The following AHI1 variants were observed in gnomAD, a reference collection of about 807,000 sequenced individuals.
AHI1 encodes the protein Abelson helper integration site 1, also known as jouberin.
A neutral mutation model predicts 149.3 loss-of-function variants in AHI1; 123 were observed. The ratio of observed to expected loss-of-function variants is 0.82; its 90% CI spans 0.71 to 0.96. The LOEUF (loss-of-function observed/expected upper bound fraction) is 0.96. Ranked by LOEUF, AHI1 falls within the 40% of genes least tolerant of loss-of-function variation. AHI1 has a pLI of 0.00. For missense variants in AHI1, 1,439 were observed against 1,422.7 expected (o/e 1.01, Z -0.18); for synonymous variants, 475 against 459.8 (o/e 1.03, Z -0.42).
Position 135,402,752 on chromosome 6 carries a change from CCTTTT to C in AHI1, c.2988+2194_2988+2198del, listed in dbSNP as rs544291051. 8.5e-5 allele frequency among the ~76,000 whole-genome samples: 13 copies of C among 152,208 alleles called. No individual in the cohort carries two copies. In the South Asian group the frequency reaches 2.1e-3, roughly 24 times the overall value. On this transcript the variant is annotated intron_variant, in intron 22 of 28. Coordinates refer to ENST00000265602, the MANE Select transcript of AHI1 (RefSeq NM_001134831.2). The stretch of plus-strand genomic sequence containing the variant: ...ATGAATAGTAAATGTACATCCTCTT[CCTTTT>C]AATTTTCTTAATAACATTTTCTGTT...
chr6:135,340,654 C>CATATATATAT (rs1290327693), intron 24 of AHI1, among the ~76,000 whole-genome samples: 8 of 58,586 alleles, frequency 1.4e-4, no homozygotes, highest in South Asian at 7.8e-4. Context: ...TATATACATA[C>CATATATATAT]ATACATATAT....
At chr6:135,391,613 C>A (rs1239471126) in intron 23 of AHI1, among the ~76,000 whole-genome samples, 1 of 152,144 alleles carries the variant, frequency 6.6e-6, no homozygotes, top group Non-Finnish European at 1.5e-5. Context: ...ACCCAATCTA[C>A]CTCTGCAAAC....
intron 23 of AHI1, among the ~76,000 whole-genome samples, chr6:135,377,462 G>GTTATTTAT (rs57058733): frequency 0.064 from 9,534 of 148,432 alleles, 723 homozygotes; most frequent in African/African-American, 0.19. Context: ...CTGGCTTTGA[G>GTTATTTAT]TTATTTATTT....
At chr6:135,408,581 A>C (rs928947253) in intron 21 of AHI1, among the ~76,000 whole-genome samples, 5 of 152,140 alleles carry the variant, frequency 3.3e-5, no homozygotes, top group Admixed American at 1.3e-4. Context: ...GCATCCTGAT[A>C]CACCTTCAAG....
intron 26 of AHI1, among the ~76,000 whole-genome samples, chr6:135,314,356 AC>A (rs1218613451): frequency 2.6e-5 from 4 of 152,166 alleles, no homozygotes; most frequent in African/African-American, 9.7e-5. Flanking sequence ...CTTTCACCAG[AC>A]CCTGGATCTG....
In AHI1 at chr6:135,382,894, T is replaced by TA. The variant is rs573438726; in HGVS notation, c.3109+11881dup. Among the ~76,000 whole-genome samples, 18 of 15,586 alleles carry TA rather than the reference T, an allele frequency of 1.2e-3. 1 individual carries two copies. Among genetic ancestry groups the TA allele is most frequent in the Non-Finnish European group, 1.5e-3 (14 of 9,574 alleles). 10.2% of individuals were successfully genotyped at this position (15,586 alleles called of 152,430 possible). On this transcript the variant is annotated intron_variant, in intron 23 of 28. Coordinates refer to ENST00000265602, the MANE Select transcript of AHI1 (RefSeq NM_001134831.2). ...CGGTGCCCATCCTAAGCAAAATTAG[T>TA]AAAAAAAAAAAAAAAAAAAAAAAAA...
At chr6:135,482,894 CTTTT>C (rs761997683) in intron 5 of AHI1, among the ~76,000 whole-genome samples, 2 of 55,734 alleles carry the variant, frequency 3.6e-5, no homozygotes, top group African/African-American at 9.3e-5. Flanking sequence ...CCATTTAAGG[CTTTT>C]TTTTTTTTTT....
intron 26 of AHI1, among the ~76,000 whole-genome samples, chr6:135,316,826 C>T (rs1280474025): frequency 6.6e-6 from 1 of 152,098 alleles, no homozygotes; most frequent in Non-Finnish European, 1.5e-5. Context: ...TTTCTGGCTC[C>T]CAGTGAATAT....
At chr6:135,326,017 T>G (rs1195991085) in intron 24 of AHI1, among the ~76,000 whole-genome samples, 2 of 152,212 alleles carry the variant, frequency 1.3e-5, no homozygotes, top group Non-Finnish European at 2.9e-5. Flanking sequence ...CCAAAAAGCC[T>G]ATGAGAGCCC....
intron 22 of AHI1, among the ~76,000 whole-genome samples, chr6:135,398,533 T>C (rs1293694971): frequency 6.6e-6 from 1 of 152,206 alleles, no homozygotes; most frequent in Non-Finnish European, 1.5e-5. Context: ...CTCTGATAGG[T>C]ACCAAGGACT....
intron 11 of AHI1, among the ~76,000 whole-genome samples, chr6:135,451,221 T>C (rs564639855): frequency 4.7e-4 from 71 of 152,248 alleles, no homozygotes; most frequent in Non-Finnish European, 4.7e-4. Flanking sequence ...GGTCTCAAAC[T>C]CCTGACCTCA....
At chr6:135,343,333 A>C (rs557555598) in intron 24 of AHI1, among the ~76,000 whole-genome samples, 35 of 151,970 alleles carry the variant, frequency 2.3e-4, no homozygotes, top group Non-Finnish European at 4.1e-4. Flanking sequence ...ATGTTTTCAC[A>C]ATTTAATCTA....
chr6:135,303,656 G>T (rs904988969), intron 26 of AHI1, among the ~76,000 whole-genome samples: 2 of 152,030 alleles, frequency 1.3e-5, no homozygotes, highest in Non-Finnish European at 2.9e-5. Flanking sequence ...GAGGCCCAGA[G>T]TTACCAAGGT....
At position 135,446,581 on chromosome 6, in the gene AHI1, C is replaced by T. The variant is rs113436574; in HGVS notation, c.1779+427G>A. On this transcript the variant is annotated intron_variant, in intron 13 of 28. Transcript: ENST00000265602. ...ATTCGTGCCCTTATAAGAAAAGACG[C>T]GAGAAAGGTGATCTCTCTCTCCACC... Among the ~76,000 whole-genome samples, 25 of 152,162 alleles carry T rather than the reference C, an allele frequency of 1.6e-4. No homozygotes were observed. In the East Asian group the frequency reaches 3.3e-3, roughly 20 times the overall value.
chr6:135,488,858 G>A (rs1794848588), intron 5 of AHI1, among the ~76,000 whole-genome samples: 1 of 152,048 alleles, frequency 6.6e-6, no homozygotes, highest in Non-Finnish European at 1.5e-5. Context: ...TGTGGTTAAG[G>A]CAGTGGATTC....
chr6:135,295,578 A>G (rs1339547557), intron 27 of AHI1, among the ~76,000 whole-genome samples: 1 of 152,214 alleles, frequency 6.6e-6, no homozygotes, highest in East Asian at 1.9e-4. Flanking sequence ...CATTAACTTT[A>G]TTTGTAGTAG....
chr6:135,461,317 A>G (rs1285597664), intron 8 of AHI1, among the ~76,000 whole-genome samples: 1 of 152,066 alleles, frequency 6.6e-6, no homozygotes, highest in Non-Finnish European at 1.5e-5. Flanking sequence ...AAAACACTCA[A>G]CTTCAATAGT....
chr6:135,388,033 T>C (rs1562642066), intron 23 of AHI1: 1 of 1,613,804 alleles, frequency 6.2e-7, no homozygotes. Context: ...AAAGTGACTG[T>C]CTGGAAAACA....
chr6:135,384,303 C>T (rs954820015), intron 23 of AHI1, among the ~76,000 whole-genome samples: 1 of 152,134 alleles, frequency 6.6e-6, no homozygotes, highest in African/African-American at 2.4e-5. Context: ...TATAAAGATA[C>T]AATCTATTAT....
Sources: allele counts gnomAD v4.1 joint callset (sites outside exome capture counted in the v4.1 genomes callset), GRCh38; gene constraint gnomAD v4.1.1; transcripts MANE v1.5; gene names NCBI Gene and HGNC (gene_info 2026-07-23, HGNC 2026-07-21).